Variants in SH3BGRL2 observed in about 807,000 individuals in gnomAD.
SH3BGRL2 encodes SH3 domain-binding glutamic acid-rich-like protein 2.
In SH3BGRL2, 21 loss-of-function variants were observed where a neutral mutation model predicts 14.8. The observed-to-expected ratio is 1.42, with a 90% CI of 1.01 to 2.05. SH3BGRL2 has a LOEUF of 2.05. Ranked by LOEUF, SH3BGRL2 falls within the 30% of genes most tolerant of loss-of-function variation. The pLI, the probability that SH3BGRL2 is intolerant of heterozygous loss-of-function variation, is 0.00. For missense variants in SH3BGRL2, 147 were observed against 130.8 expected (o/e 1.12, Z -0.61); for synonymous variants, 50 against 47.8 (o/e 1.05, Z -0.19).
At chr6:79,551,726 T>C in the SH3BGRL2 span, among the ~76,000 whole-genome samples, 1 of 152,224 alleles carries the variant, frequency 6.6e-6, no homozygotes, top group Non-Finnish European at 1.5e-5. Flanking sequence ...ACGTGTAACA[T>C]ACCACCCATG....
At chr6:79,586,184 G>A in the SH3BGRL2 span, among the ~76,000 whole-genome samples, 1 of 127,062 alleles carries the variant, frequency 7.9e-6, no homozygotes, top group Non-Finnish European at 1.6e-5. Context: ...CAACAAGAGC[G>A]AAACTCTGTC....
the SH3BGRL2 span, among the ~76,000 whole-genome samples, chr6:79,581,690 A>G: frequency 6.6e-6 from 1 of 152,216 alleles, no homozygotes; most frequent in Non-Finnish European, 1.5e-5. Context: ...ATCATACTGA[A>G]TGGGCAAAAA....
intron 2 of SH3BGRL2, among the ~76,000 whole-genome samples, chr6:79,681,801 C>A (rs1393754131): frequency 6.6e-6 from 1 of 151,904 alleles, no homozygotes; most frequent in Non-Finnish European, 1.5e-5. Context: ...TTACAAATAT[C>A]CGATCCATAT....
chr6:79,583,291 CA>C, the SH3BGRL2 span, among the ~76,000 whole-genome samples: 1 of 152,226 alleles, frequency 6.6e-6, no homozygotes, highest in East Asian at 1.9e-4. Context: ...GGTATATACC[CA>C]AAGGATTATA....
chr6:79,631,384 C>T lies in SH3BGRL2; in HGVS notation c.-78C>T. The T allele has an allele frequency of 2.3e-6, 3 of 1,330,850 alleles. No homozygotes were observed. The highest frequency in any genetic ancestry group is 2.0e-6 in the Non-Finnish European group (2 of 1,005,894). 82.4% of individuals were successfully genotyped at this position (1,330,850 alleles called of 1,614,324 possible). On this transcript the variant is annotated 5_prime_UTR_variant, in exon 1 of 4. Coordinates refer to ENST00000369838, the MANE Select transcript of SH3BGRL2 (RefSeq NM_031469.4). ...CTTTACCCAGAGGCTGCCGGCGGCT[C>T]GTAGCTGGGTTCAGCTCTGCGTCCA...
At chr6:79,641,501 G>C (rs979028174) in intron 1 of SH3BGRL2, among the ~76,000 whole-genome samples, 1 of 152,116 alleles carries the variant, frequency 6.6e-6, no homozygotes, top group African/African-American at 2.4e-5. Context: ...TGGTTAAGGC[G>C]GGGGCTGAGT....
chr6:79,699,747 C>A lies in SH3BGRL2; in HGVS notation c.*238C>A. On this transcript the variant is annotated 3_prime_UTR_variant, in exon 4 of 4. Coordinates refer to ENST00000369838, the MANE Select transcript of SH3BGRL2 (RefSeq NM_031469.4). ...TCTATTTGCCTGCAGTTGCCTCACTCACCTGGAAATACCGTCACCTGTTAC... is the reference window on the plus strand; with the variant it reads ...TCTATTTGCCTGCAGTTGCCTCACTAACCTGGAAATACCGTCACCTGTTAC... The A allele has an allele frequency of 2.2e-6, 1 of 465,086 alleles. No homozygotes were observed. The highest frequency in any genetic ancestry group is 3.3e-5 in the East Asian group (1 of 30,760). The allele number at this position is 465,086 out of a possible 1,614,324, so 28.8% of individuals were successfully genotyped here.
intron 3 of SH3BGRL2, 37 bp from the exon 4 acceptor site, chr6:79,699,461 G>A: frequency 9.8e-7 from 1 of 1,024,782 alleles, no homozygotes; most frequent in South Asian, 1.8e-5. Context: ...TGCAATAACT[G>A]ACTTTTTTTT....
At chr6:79,583,359 A>G in the SH3BGRL2 span, among the ~76,000 whole-genome samples, 2 of 152,348 alleles carry the variant, frequency 1.3e-5, no homozygotes, top group Non-Finnish European at 2.9e-5. Context: ...ACTATTTACA[A>G]TAGCAAAGAC....
At chr6:79,537,896 A>G in the SH3BGRL2 span, among the ~76,000 whole-genome samples, 1 of 150,924 alleles carries the variant, frequency 6.6e-6, no homozygotes, top group Non-Finnish European at 1.5e-5. Context: ...TGAGTGCACT[A>G]TTGTTCCTGC....
the SH3BGRL2 span, among the ~76,000 whole-genome samples, chr6:79,550,135 T>C: frequency 6.6e-6 from 1 of 152,102 alleles, no homozygotes; most frequent in African/African-American, 2.4e-5. Flanking sequence ...AAGAAAAAAA[T>C]AGTTATTAAC....
chr6:79,624,226 G>A, the SH3BGRL2 span, among the ~76,000 whole-genome samples: 1 of 150,808 alleles, frequency 6.6e-6, no homozygotes, highest in Non-Finnish European at 1.5e-5. Context: ...TCCTGACCTG[G>A]AATGCAATCT....
intron 1 of SH3BGRL2, among the ~76,000 whole-genome samples, chr6:79,652,150 G>C (rs1365296755): frequency 6.6e-6 from 1 of 152,128 alleles, no homozygotes; most frequent in Non-Finnish European, 1.5e-5. Flanking sequence ...ATAGAACTTG[G>C]ATAGGAAGTA....
intron 1 of SH3BGRL2, among the ~76,000 whole-genome samples, chr6:79,645,174 G>T (rs527474253): frequency 6.8e-6 from 1 of 147,706 alleles, no homozygotes; most frequent in Admixed American, 6.7e-5. Context: ...AAAAAAATAG[G>T]TCCTGAGTTA....
At chr6:79,561,066 G>A in the SH3BGRL2 span, 1 of 151,390 alleles carries the variant, frequency 6.6e-6, no homozygotes, top group African/African-American at 2.4e-5. Context: ...TTTTAGTAGA[G>A]ACAGGGTTTC....
chr6:79,559,102 T>A, the SH3BGRL2 span, among the ~76,000 whole-genome samples: 1 of 152,260 alleles, frequency 6.6e-6, no homozygotes, highest in African/African-American at 2.4e-5. Flanking sequence ...GTTCTCTGAT[T>A]TTTCCACTGT....
chr6:79,697,753 T>C (rs1420985885), intron 3 of SH3BGRL2, among the ~76,000 whole-genome samples: 1 of 152,218 alleles, frequency 6.6e-6, no homozygotes, highest in Non-Finnish European at 1.5e-5. Flanking sequence ...AGAGTATTTT[T>C]ATAACGTATT....
the SH3BGRL2 span, among the ~76,000 whole-genome samples, chr6:79,615,827 T>TC: frequency 8.7e-6 from 1 of 114,802 alleles, no homozygotes; most frequent in African/African-American, 3.3e-5. Context: ...CTTTTTTTTT[T>TC]CTTTCTTTTT....
intron 1 of SH3BGRL2, among the ~76,000 whole-genome samples, chr6:79,640,714 C>T (rs1241469164): frequency 6.6e-6 from 1 of 151,960 alleles, no homozygotes; most frequent in Non-Finnish European, 1.5e-5. Context: ...CCTCTGCCAG[C>T]ATTGCTTCTC....
Sources: gnomAD v4.1 joint callset for allele counts (sites outside exome capture counted in the v4.1 genomes callset) on GRCh38, gnomAD v4.1.1 for gene constraint, MANE v1.5 for transcripts, NCBI Gene and HGNC (gene_info 2026-07-23, HGNC 2026-07-21) for gene names.